The following AGO3 variants were observed in gnomAD, a reference collection of about 807,000 sequenced individuals.
The protein encoded by AGO3 is protein argonaute-3.
A neutral mutation model predicts 105.5 loss-of-function variants in AGO3; 16 were observed. The observed-to-expected ratio is 0.15, with a 90% confidence interval of 0.10 to 0.23. The LOEUF (loss-of-function observed/expected upper bound fraction) is 0.23, where lower values mean the gene tolerates loss of function less well. Ranked by LOEUF, AGO3 falls within the 10% of genes least tolerant of loss-of-function variation. The pLI is 1.00. For synonymous variants in AGO3, 340 were observed against 367.3 expected (o/e 0.93, Z 0.85); for missense variants, 534 against 1,088.0 (o/e 0.49, Z 7.16).
chr1:36,014,447 T>C (rs970186289), intron 11 of AGO3, among the ~76,000 whole-genome samples: 2 of 150,728 alleles, frequency 1.3e-5, no homozygotes, highest in African/African-American at 2.4e-5. Flanking sequence ...CATGAGCCAC[T>C]GTGCCCGGCC....
intron 1 of AGO3, 48 bp from the exon 2 acceptor site, chr1:35,945,644 A>G (rs751730136): frequency 5.1e-6 from 8 of 1,582,572 alleles, no homozygotes; most frequent in Non-Finnish European, 6.9e-6. Flanking sequence ...AAGGCTTTGG[A>G]ATACAGCTTG....
rs908516797 is a variant in AGO3, at chr1:36,069,695, C to A, written c.*13950C>A. On this transcript the variant is annotated 3_prime_UTR_variant, in exon 19 of 19. Coordinates refer to ENST00000373191, the MANE Select transcript of AGO3 (RefSeq NM_024852.4). Reference sequence around the variant, plus strand: ...GGCAAAAGCATAACTTTTCAAAAACCAAATGATTTTAGTGGTGCTATGGCA... The same window carrying A: ...GGCAAAAGCATAACTTTTCAAAAACAAAATGATTTTAGTGGTGCTATGGCA... 1.3e-5 allele frequency: 2 copies of A among 152,114 alleles called. No individual in the cohort carries two copies. The highest frequency in any genetic ancestry group is 6.6e-5 in the Admixed American group (1 of 15,260). 9.4% of individuals were successfully genotyped at this position (152,114 alleles called of 1,614,324 possible). A position where few individuals can be genotyped will look rare whatever the true frequency, so the allele number is the denominator to read the frequency against.
chr1:35,951,765 C>T (rs953283715), intron 2 of AGO3, among the ~76,000 whole-genome samples: 3 of 152,098 alleles, frequency 2.0e-5, no homozygotes, highest in Non-Finnish European at 4.4e-5. Context: ...AATCTCAGAG[C>T]AGCAATGTGT....
In AGO3 at chr1:36,068,327, G is replaced by GTA. The variant is rs963462537; in HGVS notation, c.*12588_*12589dup. ...GCTATAGAATGCTAATGTGAACAGAGTATATATCAGGAATATGATGTATTA... is the reference window on the plus strand; with the variant it reads ...GCTATAGAATGCTAATGTGAACAGAGTATATATATCAGGAATATGATGTATTA... On this transcript the variant is annotated 3_prime_UTR_variant, in exon 19 of 19. Coordinates refer to ENST00000373191, the MANE Select transcript of AGO3 (RefSeq NM_024852.4). The GTA allele has an allele frequency of 2.0e-5, 3 of 152,158 alleles. No individual in the cohort carries two copies. The highest frequency in any genetic ancestry group is 6.5e-5 in the Admixed American group (1 of 15,274). 9.4% of individuals were successfully genotyped at this position (152,158 alleles called of 1,614,324 possible). A position where few individuals can be genotyped will look rare whatever the true frequency, so the allele number is the denominator to read the frequency against.
chr1:35,997,919 A>C (rs1471297327), intron 5 of AGO3, among the ~76,000 whole-genome samples: 1 of 152,028 alleles, frequency 6.6e-6, no homozygotes, highest in Non-Finnish European at 1.5e-5. Context: ...CTGGTCTCGA[A>C]CTCCTGACCT....
intron 5 of AGO3, among the ~76,000 whole-genome samples, chr1:35,975,088 A>G (rs1386845492): frequency 6.6e-6 from 1 of 152,174 alleles, no homozygotes; most frequent in Non-Finnish European, 1.5e-5. Context: ...GTATATTAAG[A>G]TAAGTCTGTA....
intron 17 of AGO3, among the ~76,000 whole-genome samples, chr1:36,045,682 A>G (rs1453068582): frequency 6.6e-6 from 1 of 152,022 alleles, no homozygotes; most frequent in Non-Finnish European, 1.5e-5. Flanking sequence ...AGCTGGAATT[A>G]TAGGCTTCTG....
At chr1:35,991,225 G>A (rs574571092) in intron 5 of AGO3, among the ~76,000 whole-genome samples, 41 of 152,152 alleles carry the variant, frequency 2.7e-4, no homozygotes, top group Middle Eastern at 6.8e-3. Flanking sequence ...AACCCAGGAG[G>A]CAGAGGTTGC....
chr1:35,936,685 G>C (rs1646153115), intron 1 of AGO3, among the ~76,000 whole-genome samples: 1 of 152,118 alleles, frequency 6.6e-6, no homozygotes, highest in African/African-American at 2.4e-5. Flanking sequence ...TCAAGTTCTT[G>C]GGAAATCAGA....
Position 36,071,930 on chromosome 1 carries a change from A to G in AGO3, c.*16185A>G, listed in dbSNP as rs888818059. ...TTAGAAACACCAAATGCTGAATCCT[A>G]TCACTGTGTTCTTGGGGGCCAGGCC... On this transcript the variant is annotated 3_prime_UTR_variant, in exon 19 of 19. Coordinates refer to ENST00000373191, the MANE Select transcript of AGO3 (RefSeq NM_024852.4). 6.6e-6 allele frequency: 1 copy of G among 152,186 alleles called. No homozygotes were observed. The highest frequency in any genetic ancestry group is 1.5e-5 in the Non-Finnish European group (1 of 68,040). The allele number at this position is 152,186 out of a possible 1,614,324, so 9.4% of individuals were successfully genotyped here.
At chr1:36,003,468 G>A (rs1037428825) in intron 5 of AGO3, among the ~76,000 whole-genome samples, 1 of 151,850 alleles carries the variant, frequency 6.6e-6, no homozygotes, top group African/African-American at 2.4e-5. Flanking sequence ...GCTGAGGCAG[G>A]CGGATCACCT....
upstream of AGO3, chr1:35,930,995 C>A: frequency 2.9e-6 from 1 of 348,618 alleles, no homozygotes; most frequent in South Asian, 1.5e-4. Context: ...GCCGGCCGCT[C>A]CTGCCCCGAC....
rs190816874 is a variant in AGO3 at position 35,996,064 on chromosome 1, C to T, written c.659-8277C>T. Among the ~76,000 whole-genome samples, 27 of 152,214 alleles carry T rather than the reference C, an allele frequency of 1.8e-4. No individual in the cohort carries two copies. The East Asian group carries it at 4.6e-3, about 26-fold the overall frequency. ...TTAAGAAAATGACAAGGCAGCCAGG[C>T]GCACTGGCTCACACCTATAATCCCA... On this transcript the variant is annotated intron_variant, in intron 5 of 18. Coordinates refer to ENST00000373191, the MANE Select transcript of AGO3 (RefSeq NM_024852.4).
intron 12 of AGO3, among the ~76,000 whole-genome samples, chr1:36,028,995 A>G (rs1391637437): frequency 1.3e-5 from 2 of 152,128 alleles, no homozygotes; most frequent in African/African-American, 4.8e-5. Flanking sequence ...TCTGGTTTTA[A>G]TTGAGCATTT....
intron 5 of AGO3, among the ~76,000 whole-genome samples, chr1:35,981,907 G>A (rs1000205525): frequency 2.6e-5 from 4 of 152,160 alleles, no homozygotes; most frequent in Non-Finnish European, 1.5e-5. Context: ...CTCATGCTCA[G>A]ATGTGGCTTC....
chr1:36,055,115 G>A lies in AGO3; in HGVS notation c.2444G>A (p.Arg815Lys). 6.2e-7 allele frequency: 1 copy of A among 1,611,120 alleles called. No homozygotes were observed. Among genetic ancestry groups the A allele is most frequent in the South Asian group, 1.1e-5 (1 of 90,720 alleles). Residue 815 changes from arginine to lysine, a missense_variant, in exon 18 of 19, where the codon AGA becomes AAA. By Grantham distance (26) the Arg-to-Lys change is conservative (BLOSUM62 2). Coordinates refer to ENST00000373191, the MANE Select transcript of AGO3 (RefSeq NM_024852.4). The surrounding 1 kb of genome is among the most constrained non-coding windows in gnomAD (Gnocchi z 4.4). ...GCTCACCTGGTAGCATTTAGAGCCA[G>A]ATATCATCTTGTGGACAAAGAACAT... is the stretch of plus-strand genomic sequence containing the variant. ...YYAHLVAFRA[R>K]YHLVDKEHDS...
intron 11 of AGO3, among the ~76,000 whole-genome samples, chr1:36,024,994 G>C (rs1183690089): frequency 1.3e-5 from 2 of 151,956 alleles, no homozygotes; most frequent in African/African-American, 4.8e-5. Flanking sequence ...ATTTGTGCTT[G>C]TCAGTTTTTG....
intron 5 of AGO3, among the ~76,000 whole-genome samples, chr1:35,996,210 A>G (rs1419462203): frequency 3.3e-5 from 5 of 151,896 alleles, no homozygotes; most frequent in African/African-American, 1.2e-4. Context: ...CTCTATTCCC[A>G]GCTTCTTAGG....
intron 1 of AGO3, among the ~76,000 whole-genome samples, chr1:35,941,025 C>G (rs1646243876): frequency 6.6e-6 from 1 of 152,160 alleles, no homozygotes; most frequent in African/African-American, 2.4e-5. Context: ...GAACTCCACA[C>G]TCATCTAACT....
Sources: gnomAD v4.1 joint callset for allele counts (sites outside exome capture counted in the v4.1 genomes callset) on GRCh38, gnomAD v4.1.1 for gene constraint, Gnocchi (gnomAD v3.1) non-coding constraint, MANE v1.5 for transcripts, NCBI Gene and HGNC (gene_info 2026-07-23, HGNC 2026-07-21) for gene names.